CXCL12: variants seen among roughly 807,000 people sequenced by gnomAD.
CXCL12 encodes the protein C-X-C motif chemokine ligand 12.
Under a neutral mutation model 10.7 loss-of-function variants are expected in CXCL12, and 4 were observed. The observed-to-expected ratio is 0.37, with a 90% confidence interval of 0.18 to 0.86. CXCL12 has a LOEUF of 0.86. Ranked by LOEUF, CXCL12 falls within the 40% of genes least tolerant of loss-of-function variation. CXCL12 has a pLI of 0.43. For missense variants in CXCL12, 122 were observed against 110.4 expected (o/e 1.10, Z -0.47); for synonymous variants, 54 against 45.4 (o/e 1.19, Z -0.77).
At position 44,378,629 on chromosome 10, in the gene CXCL12, G is replaced by A. The variant is rs1048969525; in HGVS notation, c.*4C>T. ...TAGCGGAAAGTCCTTTTTGGCTGTT[G>A]TGCTTACTTGTTTAAAGCTTTCTCC... is the stretch of plus-strand genomic sequence containing the variant. On this transcript the variant is annotated 3_prime_UTR_variant, in exon 3 of 3. Transcript: ENST00000343575. 1.2e-6 allele frequency: 2 copies of A among 1,614,100 alleles called. No homozygotes were observed. Among genetic ancestry groups the A allele is most frequent in the Non-Finnish European group, 1.7e-6 (2 of 1,180,020 alleles).
At chr10:44,372,802 G>A (rs1839347046), downstream of CXCL12, 3 of 1,467,450 alleles carry the variant, frequency 2.0e-6, 1 homozygote, top group East Asian at 5.0e-5. Flanking sequence ...CCCAGAAGAG[G>A]CAGACCCGGC....
At position 44,378,084 on chromosome 10, in the gene CXCL12, C is replaced by G. The variant is rs1264337606; in HGVS notation, c.*549G>C. The G allele has an allele frequency of 1.4e-6, 2 of 1,453,690 alleles. No homozygotes were observed. The highest frequency in any genetic ancestry group is 2.9e-5 in the African/African-American group (2 of 69,898). The allele number at this position is 1,453,690 out of a possible 1,614,324, so 90.0% of individuals were successfully genotyped here. On this transcript the variant is annotated 3_prime_UTR_variant, in exon 3 of 3. Coordinates refer to ENST00000343575, the MANE Select transcript of CXCL12 (RefSeq NM_199168.4). ...GTGAAGGCAGTGGCGGCGCCCAGCC[C>G]CAGTCGGTATCTGAGTGCCACAGAG... is the stretch of plus-strand genomic sequence containing the variant.
downstream of CXCL12, chr10:44,375,897 C>T (rs143036733): frequency 1.4e-5 from 22 of 1,608,092 alleles, no homozygotes; most frequent in African/African-American, 1.6e-4. Context: ...TACAAAGCGC[C>T]GAGAGCAAGT....
chr10:44,384,846 G>T, intron 1 of CXCL12, 99 bp downstream of exon 1: 7 of 1,226,118 alleles, frequency 5.7e-6, no homozygotes, highest in Non-Finnish European at 7.8e-6. Context: ...TGTGTCGGGC[G>T]GCGCAAACTG....
At chr10:44,378,762 G>A (rs1375484369) in intron 2 of CXCL12, 39 bp from the exon 3 acceptor site, 17 of 1,603,220 alleles carry the variant, frequency 1.1e-5, no homozygotes, top group African/African-American at 2.7e-5. Flanking sequence ...GGCTGCACAG[G>A]AGGAAGGCGC....
At chr10:44,376,002 T>G, downstream of CXCL12, 2 of 1,613,908 alleles carry the variant, frequency 1.2e-6, no homozygotes, top group Non-Finnish European at 1.7e-6. Flanking sequence ...CTATCTTTTC[T>G]TTTTTCCCCA....
downstream of CXCL12, among the ~76,000 whole-genome samples, chr10:44,376,400 T>C (rs1839451407): frequency 6.6e-6 from 1 of 152,236 alleles, no homozygotes; most frequent in African/African-American, 2.4e-5. Flanking sequence ...ATGGGACTTT[T>C]TCTTCTTCTC....
chr10:44,374,270 C>A, downstream of CXCL12: 5 of 365,140 alleles, frequency 1.4e-5, no homozygotes, highest in South Asian at 1.0e-4. Context: ...AGACTGGCCA[C>A]CCCTCCCCAG....
At position 44,377,550 on chromosome 10, in the gene CXCL12, G is replaced by C. The variant is rs1347460794; in HGVS notation, c.*1083C>G. The C allele has an allele frequency of 4.2e-6, 6 of 1,443,152 alleles. No individual in the cohort carries two copies. The highest frequency in any genetic ancestry group is 1.4e-5 in the African/African-American group (1 of 70,098). 89.4% of individuals were successfully genotyped at this position (1,443,152 alleles called of 1,614,324 possible). A position where few individuals can be genotyped will look rare whatever the true frequency, so the allele number is the denominator to read the frequency against. ...TGAAACCCTGCTGTGGCTTCAGGAG[G>C]GGGTAGTGGCAAGATGATGGTTTAT... On this transcript the variant is annotated 3_prime_UTR_variant, in exon 3 of 3. Transcript: ENST00000343575.
rs201325587 is a variant in CXCL12 at position 44,384,910 on chromosome 10, A to AGCCTCGCCAGGGCC, written c.61+21_61+34dup. ...GCGCCGGGCGGGAGCCGAAGCCCAG[A>AGCCTCGCCAGGGCC]GCCTCGCCAGGGCCTCCCCGCCGAG... is the stretch of plus-strand genomic sequence containing the variant. On this transcript the variant is annotated intron_variant, in intron 1 of 2. Transcript: ENST00000343575. 6.2e-3 allele frequency: 9,247 copies of AGCCTCGCCAGGGCC among 1,489,492 alleles called. 327 individuals carry two copies. The African/African-American group carries it at 0.096, about 15-fold the overall frequency. The allele number at this position is 1,489,492 out of a possible 1,614,324, so 92.3% of individuals were successfully genotyped here.
Position 44,384,906 on chromosome 10 carries a change from C to G in CXCL12, c.61+39G>C, listed in dbSNP as rs553792786. The G allele has an allele frequency of 1.6e-5, 25 of 1,516,678 alleles. No homozygotes were observed. The African/African-American group carries it at 3.3e-4, about 20-fold the overall frequency. The allele number at this position is 1,516,678 out of a possible 1,614,324, so 94.0% of individuals were successfully genotyped here. ...CTCTGCGCCGGGCGGGAGCCGAAGC[C>G]CAGAGCCTCGCCAGGGCCTCCCCGC... is the stretch of plus-strand genomic sequence containing the variant. On this transcript the variant is annotated intron_variant, in intron 1 of 2. Transcript: ENST00000343575.
At chr10:44,384,731 C>T (rs566571948) in intron 1 of CXCL12, among the ~76,000 whole-genome samples, 1 of 152,378 alleles carries the variant, frequency 6.6e-6, no homozygotes, top group East Asian at 1.9e-4. Flanking sequence ...AGCTTGAGGT[C>T]AGGCGGTCGC....
chr10:44,372,941 G>A (rs1163425719), downstream of CXCL12: 89 of 1,535,836 alleles, frequency 5.8e-5, no homozygotes, highest in Non-Finnish European at 7.5e-5. Flanking sequence ...CCCTCTTGGT[G>A]GCTCTCCACC....
chr10:44,384,172 T>C (rs1295778741), intron 1 of CXCL12, among the ~76,000 whole-genome samples: 1 of 152,148 alleles, frequency 6.6e-6, no homozygotes, highest in African/African-American at 2.4e-5. Context: ...AGAGCCTGTC[T>C]GCAGGTGTGT....
downstream of CXCL12, chr10:44,374,709 T>TG (rs1407411840): frequency 2.2e-6 from 1 of 455,510 alleles, no homozygotes; most frequent in Non-Finnish European, 4.4e-6. Flanking sequence ...CAGGGGTCTT[T>TG]GTGGGTTTTC....
At chr10:44,376,012 A>C, downstream of CXCL12, 1 of 1,613,156 alleles carries the variant, frequency 6.2e-7, no homozygotes, top group South Asian at 1.1e-5. Flanking sequence ...TTTTTTCCCC[A>C]CTTTTTCTTC....
In CXCL12 at chr10:44,378,503, GCCCA is replaced by G. The variant is rs1839527540; in HGVS notation, c.*126_*129del. On this transcript the variant is annotated 3_prime_UTR_variant, in exon 3 of 3. Transcript: ENST00000343575. ...CTCAGGCCCGATCCCAGATCAATGTGCCCACCCCACACACACACCTGGTCCTCAT... is the reference window on the plus strand; with the variant it reads ...CTCAGGCCCGATCCCAGATCAATGTGCCCCACACACACACCTGGTCCTCAT... 6.5e-7 allele frequency: 1 copy of G among 1,547,830 alleles called. No homozygotes were observed. Among genetic ancestry groups the G allele is most frequent in the African/African-American group, 1.4e-5 (1 of 73,610 alleles).
intron 1 of CXCL12, among the ~76,000 whole-genome samples, chr10:44,381,766 G>T (rs1372586166): frequency 6.6e-6 from 1 of 152,168 alleles, no homozygotes; most frequent in Admixed American, 6.5e-5. Context: ...TTTCCTTGAA[G>T]ATTTTATCCA....
rs1183048094 is a variant in CXCL12 at position 44,377,651 on chromosome 10, G to A, written c.*982C>T. The A allele has an allele frequency of 1.2e-5, 18 of 1,552,578 alleles. No individual in the cohort carries two copies. The highest frequency in any genetic ancestry group is 1.4e-5 in the Non-Finnish European group (16 of 1,156,870). On this transcript the variant is annotated 3_prime_UTR_variant, in exon 3 of 3. Coordinates refer to ENST00000343575, the MANE Select transcript of CXCL12 (RefSeq NM_199168.4). ...CTCCATGGCATACATAGGCTTCAGA[G>A]GCAATCACAAAACCCAGTCACTCAA...
Sources: gnomAD v4.1 joint callset for allele counts (sites outside exome capture counted in the v4.1 genomes callset) on GRCh38, gnomAD v4.1.1 for gene constraint, MANE v1.5 for transcripts, NCBI Gene and HGNC (gene_info 2026-07-23, HGNC 2026-07-21) for gene names.